TLN1: variants seen among roughly 807,000 people sequenced by gnomAD.
The protein encoded by TLN1 is talin-1.
Under a neutral mutation model 292.3 loss-of-function variants are expected in TLN1, and 56 were observed. The ratio of observed to expected loss-of-function variants is 0.19; its 90% confidence interval spans 0.15 to 0.24. TLN1 has a LOEUF of 0.24. Among genes scored for constraint, TLN1 ranks in the 10% least tolerant of loss-of-function variants. TLN1 has a pLI of 1.00. For missense variants in TLN1, 2,433 were observed against 3,248.2 expected, an observed-to-expected ratio of 0.75 and a Z score of 6.10; for synonymous variants, 1,119 against 1,253.7, an observed-to-expected ratio of 0.89 and a Z score of 2.27.
intron 16 of TLN1, 72 bp from the exon 17 acceptor site, chr9:35,718,982 G>C: frequency 6.3e-7 from 1 of 1,596,590 alleles, no homozygotes; most frequent in Admixed American, 1.7e-5. Flanking sequence ...ACAGGCCCAC[G>C]GGACCCAGGC....
rs1825410528 is a variant in TLN1 at position 35,698,659 on chromosome 9, A to G, written c.7146T>C (p.Asn2382=). 2 of 1,614,168 alleles carry G rather than the reference A, an allele frequency of 1.2e-6. No individual in the cohort carries two copies. Among genetic ancestry groups the G allele is most frequent in the Non-Finnish European group, 1.7e-6 (2 of 1,180,032 alleles). Residue 2382 remains asparagine (N), a synonymous_variant, in exon 54 of 57, where the codon AAT becomes AAC. Coordinates refer to ENST00000314888, the MANE Select transcript of TLN1 (RefSeq NM_006289.4). The surrounding 1 kb of genome is among the most constrained non-coding windows in gnomAD (Gnocchi z 5.3). The part of the protein sequence containing the change: ...AQGKVGAIPA[N]ALDDGQWSQG... ...GGGACCACTGCCCATCGTCCAGTGC[A>G]TTGGCTGGAATGGCACCCACCTGTA...
Position 35,710,981 on chromosome 9 carries a change from G to C in TLN1, c.4113+8C>G. 6.2e-7 allele frequency: 1 copy of C among 1,614,172 alleles called. No individual in the cohort carries two copies. Among genetic ancestry groups the C allele is most frequent in the Non-Finnish European group, 8.5e-7 (1 of 1,180,020 alleles). On this transcript the variant is annotated splice_region_variant and intron_variant, in intron 31 of 56. Coordinates refer to ENST00000314888, the MANE Select transcript of TLN1 (RefSeq NM_006289.4). The stretch of plus-strand genomic sequence containing the variant: ...AACCTCAATGCCATCAGCCTGCCAT[G>C]TGTCTACCTCCAATTCCCGCAGGGC...
chr9:35,707,726 G>A lies in TLN1; in HGVS notation c.4632+5C>T. 6.2e-7 allele frequency: 1 copy of A among 1,614,122 alleles called. No homozygotes were observed. ...GGAGAGGCTGGGAATTCAAGCAATG[G>A]GAACCTTGATGGTCTTGACAAGATT... On this transcript the variant is annotated splice_donor_5th_base_variant and intron_variant, in intron 35 of 56. Coordinates refer to ENST00000314888, the MANE Select transcript of TLN1 (RefSeq NM_006289.4). The surrounding 1 kb of genome is among the most constrained non-coding windows in gnomAD (Gnocchi z 5.6).
intron 29 of TLN1, 54 bp downstream of exon 29, chr9:35,711,541 T>C: frequency 6.2e-7 from 1 of 1,611,672 alleles, no homozygotes; most frequent in Non-Finnish European, 8.5e-7. Flanking sequence ...CTCAACTGCC[T>C]CCTATCTAAC....
rs1489434100 is a variant in TLN1, at chr9:35,697,309, T to A, written c.*482A>T. On this transcript the variant is annotated 3_prime_UTR_variant, in exon 57 of 57. Coordinates refer to ENST00000314888, the MANE Select transcript of TLN1 (RefSeq NM_006289.4). Reference sequence around the variant, plus strand: ...CTCTCCTACTGCCCTGGGAGAAAACTTGTATCTCCCTTGAAGCCAGGCAGA... The same window carrying A: ...CTCTCCTACTGCCCTGGGAGAAAACATGTATCTCCCTTGAAGCCAGGCAGA... 1 of 155,064 alleles carries A rather than the reference T, an allele frequency of 6.4e-6. No homozygotes were observed. Among genetic ancestry groups the A allele is most frequent in the African/African-American group, 2.4e-5 (1 of 41,488 alleles). 9.6% of individuals were successfully genotyped at this position (155,064 alleles called of 1,614,324 possible).
chr9:35,725,191 G>A (rs187774888), intron 3 of TLN1, 33 bp downstream of exon 3: 1 of 1,607,234 alleles, frequency 6.2e-7, no homozygotes. Flanking sequence ...TGATGGAAGG[G>A]GATGTGGTGG....
At chr9:35,702,738 GC>G (rs1563938638) in intron 48 of TLN1, among the ~76,000 whole-genome samples, 1 of 151,732 alleles carries the variant, frequency 6.6e-6, no homozygotes, top group African/African-American at 2.4e-5. Flanking sequence ...TGATCCACCC[GC>G]CTCAGCCTCC....
Position 35,704,199 on chromosome 9 carries a change from G to C in TLN1, c.6048-25C>G. ...CCTGAGGGAGGGCCCAGCTTAGTCA[G>C]ATCTCCCCTACCCGCTCCAGCCCGT... On this transcript the variant is annotated intron_variant, in intron 45 of 56. Transcript: ENST00000314888. This position sits in a 1 kb window ranked among gnomAD's most constrained non-coding sequence, Gnocchi z 6.9. 9 of 1,575,976 alleles carry C rather than the reference G, an allele frequency of 5.7e-6. No homozygotes were observed. The highest frequency in any genetic ancestry group is 5.2e-6 in the Non-Finnish European group (6 of 1,159,784).
At chr9:35,716,788 A>G (rs1308871021) in intron 19 of TLN1, among the ~76,000 whole-genome samples, 1 of 152,224 alleles carries the variant, frequency 6.6e-6, no homozygotes, top group East Asian at 1.9e-4. Context: ...ACAGTCTCCA[A>G]TGGGTATTTT....
In TLN1 at chr9:35,717,150, A is replaced by G; in HGVS notation, c.2454T>C (p.Asp818=). Reference sequence around the variant, plus strand: ...TCCTGGGGGTGCGTGTCTTACCAGCATCACCCATGGAGCTAAAGATGTTCT... The same window carrying G: ...TCCTGGGGGTGCGTGTCTTACCAGCGTCACCCATGGAGCTAAAGATGTTCT... The part of the protein sequence containing the change: ...VTENIFSSMG[D]AGEMVRQARI... The change falls in exon 19 of 57, where the codon GAT becomes GAC. Residue 818 remains aspartate, a synonymous_variant. Transcript: ENST00000314888. The surrounding 1 kb of genome is among the most constrained non-coding windows in gnomAD (Gnocchi z 4.7). 6.3e-7 allele frequency: 1 copy of G among 1,594,878 alleles called. No individual in the cohort carries two copies. Among genetic ancestry groups the G allele is most frequent in the Non-Finnish European group, 8.6e-7 (1 of 1,164,518 alleles).
chr9:35,712,639 ACT>A (rs1825695033), intron 27 of TLN1, among the ~76,000 whole-genome samples, 194 bp downstream of exon 27: 2 of 142,100 alleles, frequency 1.4e-5, no homozygotes, highest in African/African-American at 2.6e-5. Context: ...TAAGAGCAAA[ACT>A]CTGTCTCAAA....
chr9:35,731,759 C>T (rs560144910), intron 1 of TLN1, among the ~76,000 whole-genome samples: 2 of 152,330 alleles, frequency 1.3e-5, no homozygotes, highest in East Asian at 1.9e-4. Flanking sequence ...ACCTAATCCC[C>T]AACTCACCCA....
rs779001347 is a variant in TLN1 at position 35,714,908 on chromosome 9, A to C, written c.2755-32T>G. On this transcript the variant is annotated intron_variant, in intron 21 of 56. Coordinates refer to ENST00000314888, the MANE Select transcript of TLN1 (RefSeq NM_006289.4). The surrounding 1 kb of genome is among the most constrained non-coding windows in gnomAD (Gnocchi z 4.6). ...AGACAAGAGTAGTCAGACCAAGCCC[A>C]TGGATTCCCATGCCCAGCCCAGTCC... is the stretch of plus-strand genomic sequence containing the variant. 1 of 1,596,440 alleles carries C rather than the reference A, an allele frequency of 6.3e-7. No homozygotes were observed. Among genetic ancestry groups the C allele is most frequent in the African/African-American group, 1.3e-5 (1 of 74,812 alleles).
chr9:35,715,023 A>T, intron 21 of TLN1, 36 bp downstream of exon 21: 1 of 1,611,730 alleles, frequency 6.2e-7, no homozygotes, highest in Non-Finnish European at 8.5e-7. Context: ...CAGCACCCAC[A>T]CTCTCTCTTG....
chr9:35,729,707 AG>A (rs1461819115), intron 1 of TLN1, among the ~76,000 whole-genome samples: 2 of 152,186 alleles, frequency 1.3e-5, no homozygotes, highest in African/African-American at 4.8e-5. Flanking sequence ...ATAACTACTA[AG>A]GTAGACAGGT....
At chr9:35,709,152 G>A (rs768073350) in intron 33 of TLN1, among the ~76,000 whole-genome samples, 2 of 152,144 alleles carry the variant, frequency 1.3e-5, no homozygotes, top group African/African-American at 4.8e-5. Context: ...AAAATCAGAC[G>A]GGTGTGGTGG....
chr9:35,714,942 C>T lies in TLN1; in HGVS notation c.2755-66G>A, dbSNP rs1162366150. ...CATGCCCAGCCCAGTCCCTGGCCTA[C>T]CTTGCCCAGGTTATGCCTCAAGGAC... is the stretch of plus-strand genomic sequence containing the variant. On this transcript the variant is annotated intron_variant, in intron 21 of 56. Transcript: ENST00000314888. This position sits in a 1 kb window ranked among gnomAD's most constrained non-coding sequence, Gnocchi z 4.6. The T allele has an allele frequency of 1.2e-6, 2 of 1,607,776 alleles. No homozygotes were observed. The highest frequency in any genetic ancestry group is 1.7e-6 in the Non-Finnish European group (2 of 1,177,536).
At position 35,707,317 on chromosome 9, in the gene TLN1, G is replaced by A; in HGVS notation, c.4773+31C>T. 6.2e-7 allele frequency: 1 copy of A among 1,610,970 alleles called. No homozygotes were observed. Among genetic ancestry groups the A allele is most frequent in the African/African-American group, 1.3e-5 (1 of 74,966 alleles). ...CCCTGGAAGATGAGGTGATAAGCTG[G>A]CCCATCAGTTCCCCCTTCACATCGC... On this transcript the variant is annotated intron_variant, in intron 36 of 56. Coordinates refer to ENST00000314888, the MANE Select transcript of TLN1 (RefSeq NM_006289.4). The surrounding 1 kb of genome is among the most constrained non-coding windows in gnomAD (Gnocchi z 5.6).
rs367638599 is a variant in TLN1 at position 35,712,068 on chromosome 9, C to T, written c.3618G>A (p.Gln1206=). The T allele has an allele frequency of 7.4e-6, 12 of 1,614,002 alleles. No homozygotes were observed. The highest frequency in any genetic ancestry group is 5.3e-5 in the African/African-American group (4 of 74,942). ...LNRCVSCLPG[Q]RDVDNALRAV... is the part of the protein sequence containing the mutation. ...CCCTCAGGGCATTATCCACATCGCG[C>T]TGGCCAGGTAGGCAGCTGACACAGC... Residue 1206 remains glutamine, a synonymous_variant, in exon 28 of 57, where the codon CAG becomes CAA. Coordinates refer to ENST00000314888, the MANE Select transcript of TLN1 (RefSeq NM_006289.4).
Sources: gnomAD v4.1 joint callset for allele counts (sites outside exome capture counted in the v4.1 genomes callset) on GRCh38, gnomAD v4.1.1 for gene constraint, Gnocchi (gnomAD v3.1) non-coding constraint, MANE v1.5 for transcripts, NCBI Gene and HGNC (gene_info 2026-07-23, HGNC 2026-07-21) for gene names.